SLFN12L: variants seen among roughly 807,000 people sequenced by gnomAD.
The protein encoded by SLFN12L is schlafen family member 12-like.
In SLFN12L, 34 loss-of-function variants were observed where a neutral mutation model predicts 34.8. The observed-to-expected ratio is 0.98, with a 90% CI of 0.74 to 1.30. SLFN12L has a LOEUF of 1.30. Ranked by LOEUF, SLFN12L falls within the 50% of genes most tolerant of loss-of-function variation. SLFN12L has a pLI of 0.00. For missense variants in SLFN12L, 703 were observed against 696.2 expected (o/e 1.01, Z -0.11); for synonymous variants, 259 against 247.5 (o/e 1.05, Z -0.44).
In SLFN12L at chr17:35,479,142, G is replaced by T. The variant is rs375508019; in HGVS notation, c.1140C>A (p.Ile380=). ...RVKQLTEKEW[I]QFMVDSEPVC... ...CTGGTTCTGAATCCACCATGAACTG[G>T]ATCCATTCCTTCTCGGTCAACTGCT... Residue 380 remains isoleucine, a synonymous_variant, in exon 3 of 5, where the codon ATC becomes ATA. Coordinates refer to ENST00000628453, the MANE Select transcript of SLFN12L (RefSeq NM_001363830.2). 11 of 1,566,704 alleles carry T rather than the reference G, an allele frequency of 7.0e-6. No homozygotes were observed. Among genetic ancestry groups the T allele is most frequent in the Non-Finnish European group, 8.7e-6 (10 of 1,154,280 alleles).
chr17:35,477,971 A>T, intron 4 of SLFN12L, 104 bp downstream of exon 4: 2 of 714,924 alleles, frequency 2.8e-6, no homozygotes, highest in Non-Finnish European at 4.5e-6. Context: ...CCATAAACAA[A>T]AGAATGTGCT....
rs1913811225 is a variant in SLFN12L, at chr17:35,471,669, TATTTAAAAGTTTTAAATATTCTTTTAATA to T, written c.*3225_*3253del. ...AATAATCTTTCTTTTAATAAAAGAT[TATTTAAAAGTTTTAAATATTCTTTTAATA>T]AAAGATTATTTAAAAGTTTTAAATA... On this transcript the variant is annotated 3_prime_UTR_variant, in exon 5 of 5. Coordinates refer to ENST00000628453, the MANE Select transcript of SLFN12L (RefSeq NM_001363830.2). 4.5e-5 allele frequency among the ~76,000 whole-genome samples: 1 copy of T among 22,046 alleles called. No individual in the cohort carries two copies. Among genetic ancestry groups the T allele is most frequent in the Non-Finnish European group, 8.4e-5 (1 of 11,882 alleles). 14.5% of individuals were successfully genotyped at this position (22,046 alleles called of 152,430 possible).
At chr17:35,536,519 C>CA (rs2072462639) in intron 1 of SLFN12L, among the ~76,000 whole-genome samples, 1 of 151,922 alleles carries the variant, frequency 6.6e-6, no homozygotes, top group South Asian at 2.1e-4. Context: ...TTACGAAAAA[C>CA]AAAAAAACAC....
At position 35,487,840 on chromosome 17, in the gene SLFN12L, T is replaced by G. The variant is rs902584260; in HGVS notation, c.87-7645A>C. 45 of 1,309,364 alleles carry G rather than the reference T, an allele frequency of 3.4e-5. 1 individual carries two copies. Among genetic ancestry groups the G allele is most frequent in the Non-Finnish European group, 4.3e-5 (40 of 940,412 alleles). 81.1% of individuals were successfully genotyped at this position (1,309,364 alleles called of 1,614,324 possible). The stretch of plus-strand genomic sequence containing the variant: ...AGCCCCTCGCTCAGCTGCATTTCTA[T>G]CGGGCACTCGACTCCCCGGAAGTGG... On this transcript the variant is annotated intron_variant, in intron 2 of 4. Transcript: ENST00000628453.
intron 1 of SLFN12L, among the ~76,000 whole-genome samples, chr17:35,535,382 T>G (rs1312579118): frequency 6.6e-6 from 1 of 151,046 alleles, no homozygotes; most frequent in Non-Finnish European, 1.5e-5. Context: ...TTTTTAGTAG[T>G]GACGGGGTTT....
intron 2 of SLFN12L, among the ~76,000 whole-genome samples, chr17:35,511,079 G>T (rs968194322): frequency 7.2e-5 from 11 of 151,870 alleles, no homozygotes; most frequent in Non-Finnish European, 1.2e-4. Flanking sequence ...ATTCTATTTT[G>T]ACTGTAATGT....
At chr17:35,496,265 T>C (rs879501729) in intron 2 of SLFN12L, among the ~76,000 whole-genome samples, 11 of 151,800 alleles carry the variant, frequency 7.2e-5, no homozygotes, top group Non-Finnish European at 1.2e-4. Flanking sequence ...GGGCGAATCT[T>C]ATGAGCCCAG....
chr17:35,478,719 A>G (rs1483843988), intron 3 of SLFN12L, among the ~76,000 whole-genome samples: 2 of 152,238 alleles, frequency 1.3e-5, no homozygotes, highest in African/African-American at 4.8e-5. Flanking sequence ...TACAGGAAAT[A>G]AATGGAAAGT....
chr17:35,484,257 G>A (rs1043564877), intron 2 of SLFN12L, among the ~76,000 whole-genome samples: 1 of 152,044 alleles, frequency 6.6e-6, no homozygotes, highest in Non-Finnish European at 1.5e-5. Flanking sequence ...ACATAACTTT[G>A]TACCTATACT....
rs573447080 is a variant in SLFN12L, at chr17:35,518,274, A to G, written c.86+4005T>C. 7.3e-4 allele frequency among the ~76,000 whole-genome samples: 111 copies of G among 152,244 alleles called. 1 individual carries two copies. The highest frequency in any genetic ancestry group is 2.6e-3 in the African/African-American group (109 of 41,564). The stretch of plus-strand genomic sequence containing the variant: ...TTCTCAAAAGAAGACATCTATGACC[A>G]GGTGTGGTGGCCCACGCCTGTAATC... On this transcript the variant is annotated intron_variant, in intron 2 of 4. Coordinates refer to ENST00000628453, the MANE Select transcript of SLFN12L (RefSeq NM_001363830.2).
At chr17:35,503,530 T>C (rs1364824613) in intron 2 of SLFN12L, among the ~76,000 whole-genome samples, 1 of 152,108 alleles carries the variant, frequency 6.6e-6, no homozygotes, top group African/African-American at 2.4e-5. Context: ...ACAAGAAGAA[T>C]TGTCAAATAT....
At chr17:35,492,934 A>G (rs1914894624) in intron 2 of SLFN12L, among the ~76,000 whole-genome samples, 2 of 142,460 alleles carry the variant, frequency 1.4e-5, no homozygotes, top group Admixed American at 1.4e-4. Flanking sequence ...CATATGTTTA[A>G]TTGAATTGAA....
In SLFN12L at chr17:35,464,300, T is replaced by C. The variant is rs994404001; in HGVS notation, c.*10623A>G. On this transcript the variant is annotated 3_prime_UTR_variant, in exon 5 of 5. Coordinates refer to ENST00000628453, the MANE Select transcript of SLFN12L (RefSeq NM_001363830.2). The stretch of plus-strand genomic sequence containing the variant: ...TTTTTATTTTAGGTTTGGGGGCGCA[T>C]GTGAAGGCTCATTACACAGGTAAAC... 2 of 152,200 alleles carry C rather than the reference T, an allele frequency of 1.3e-5. No individual in the cohort carries two copies. The highest frequency in any genetic ancestry group is 1.9e-4 in the East Asian group (1 of 5,204). 9.4% of individuals were successfully genotyped at this position (152,200 alleles called of 1,614,324 possible).
At position 35,475,404 on chromosome 17, in the gene SLFN12L, A is replaced by G. The variant is rs760065700; in HGVS notation, c.1358T>C (p.Ile453Thr). The change falls in exon 5 of 5, where the codon ATA (isoleucine) becomes ACA (threonine). Residue 453 changes from isoleucine (I) to threonine (T), a missense_variant. By Grantham distance (89) the Ile-to-Thr change is moderately conservative (BLOSUM62 -1). Transcript: ENST00000628453. The part of the protein sequence containing the change: ...FSQHEGLKQL[I>T]CEEMGSVNKG... Reference sequence around the variant, plus strand: ...ATTGACAGAGCCCATTTCTTCACATATTAATTGCTTAAGTCCTTCATGTTG... The same window carrying G: ...ATTGACAGAGCCCATTTCTTCACATGTTAATTGCTTAAGTCCTTCATGTTG... 16 of 1,614,212 alleles carry G rather than the reference A, an allele frequency of 9.9e-6. No individual in the cohort carries two copies. The highest frequency in any genetic ancestry group is 1.1e-5 in the Non-Finnish European group (13 of 1,180,036).
At chr17:35,499,208 C>T (rs1915204828) in intron 2 of SLFN12L, 1 of 925,708 alleles carries the variant, frequency 1.1e-6, no homozygotes, top group Non-Finnish European at 1.6e-6. Flanking sequence ...TTCCCTGCAC[C>T]TGCCTTCCTA....
At chr17:35,487,587 G>T in intron 2 of SLFN12L, 1 of 822,112 alleles carries the variant, frequency 1.2e-6, no homozygotes, top group Non-Finnish European at 1.9e-6. Context: ...CGCTGTGCCA[G>T]CGCGGGCCCT....
chr17:35,535,493 T>TG (rs1417385293), intron 1 of SLFN12L, among the ~76,000 whole-genome samples: 1 of 149,892 alleles, frequency 6.7e-6, no homozygotes, highest in African/African-American at 2.5e-5. Context: ...CCAGCCTTTT[T>TG]TTTTTTTTAA....
At chr17:35,513,063 C>T (rs1915708328) in intron 2 of SLFN12L, among the ~76,000 whole-genome samples, 1 of 152,172 alleles carries the variant, frequency 6.6e-6, no homozygotes, top group African/African-American at 2.4e-5. Context: ...TGGTCAGTCA[C>T]TGACCAGTCA....
intron 2 of SLFN12L, among the ~76,000 whole-genome samples, chr17:35,506,065 G>A (rs1208568636): frequency 6.6e-6 from 1 of 152,182 alleles, no homozygotes; most frequent in African/African-American, 2.4e-5. Context: ...CCAACCTGAT[G>A]TGTGTTATGA....
Sources: allele counts gnomAD v4.1 joint callset (sites outside exome capture counted in the v4.1 genomes callset), GRCh38; gene constraint gnomAD v4.1.1; transcripts MANE v1.5; gene names NCBI Gene and HGNC (gene_info 2026-07-23, HGNC 2026-07-21).